The following MAP3K3 variants were observed in gnomAD, a reference collection of about 807,000 sequenced individuals.
MAP3K3 encodes the protein MAP/ERK kinase kinase 3.
MAP3K3 carries 12 observed loss-of-function variants against 80.9 expected under a neutral mutation model. The observed-to-expected ratio is 0.15, with a 90% CI of 0.10 to 0.24. The LOEUF (loss-of-function observed/expected upper bound fraction) is 0.24, where lower values mean the gene tolerates loss of function less well. Among genes scored for constraint, MAP3K3 ranks in the 10% least tolerant of loss-of-function variants. The probability of loss-of-function intolerance (pLI) is 1.00; values close to 1 mark genes in which losing one functional copy is unlikely to be tolerated. For missense variants in MAP3K3, 596 were observed against 834.7 expected, an observed-to-expected ratio of 0.71 and a Z score of 3.52; for synonymous variants, 272 against 307.1, an observed-to-expected ratio of 0.89 and a Z score of 1.19.
At chr17:63,638,628 T>A (rs192002028) in intron 2 of MAP3K3, among the ~76,000 whole-genome samples, 1 of 152,320 alleles carries the variant, frequency 6.6e-6, no homozygotes, top group Non-Finnish European at 1.5e-5. Context: ...CCGGATTGCC[T>A]GTGGTGGGGA....
chr17:63,625,905 C>G (rs571344645), intron 1 of MAP3K3, among the ~76,000 whole-genome samples: 1 of 152,190 alleles, frequency 6.6e-6, no homozygotes, highest in East Asian at 1.9e-4. Context: ...AACCCTGTCT[C>G]TACTAAAAAC....
chr17:63,678,059 A>G (rs2035255496), intron 6 of MAP3K3, among the ~76,000 whole-genome samples: 1 of 152,128 alleles, frequency 6.6e-6, no homozygotes, highest in Non-Finnish European at 1.5e-5. Flanking sequence ...TTGGAAATAA[A>G]TTATGGTCCC....
intron 6 of MAP3K3, among the ~76,000 whole-genome samples, chr17:63,671,419 C>T (rs954674837): frequency 6.6e-6 from 1 of 152,030 alleles, no homozygotes; most frequent in African/African-American, 2.4e-5. Context: ...CCACACCCAG[C>T]TAAATTTTGT....
intron 1 of MAP3K3, among the ~76,000 whole-genome samples, chr17:63,628,832 T>C (rs1031562911): frequency 6.6e-6 from 1 of 152,234 alleles, no homozygotes; most frequent in African/African-American, 2.4e-5. Context: ...AATTAAGTAT[T>C]AGGGTAGATT....
chr17:63,691,771 G>C lies in MAP3K3; in HGVS notation c.1383G>C (p.Leu461=), dbSNP rs778515351. ...ACCAGTTGAAGGCTTACGGTGCTCT[G>C]ACAGAGAGCGTGACCCGAAAGTACA... ...VKDQLKAYGA[L]TESVTRKYTR... Residue 461 remains leucine, a synonymous_variant, in exon 14 of 16, where the codon CTG becomes CTC. Transcript: ENST00000361733. This position sits in a 1 kb window ranked among gnomAD's most constrained non-coding sequence, Gnocchi z 4.8. 1 of 1,614,102 alleles carries C rather than the reference G, an allele frequency of 6.2e-7. No individual in the cohort carries two copies. The highest frequency in any genetic ancestry group is 1.3e-5 in the African/African-American group (1 of 75,040).
At chr17:63,636,007 A>C (rs2034315768) in intron 2 of MAP3K3, among the ~76,000 whole-genome samples, 1 of 152,206 alleles carries the variant, frequency 6.6e-6, no homozygotes, top group South Asian at 2.1e-4. Flanking sequence ...GCCTTTCACT[A>C]TGAGAATGGC....
At chr17:63,632,068 A>G (rs2034227407) in intron 1 of MAP3K3, among the ~76,000 whole-genome samples, 1 of 151,894 alleles carries the variant, frequency 6.6e-6, no homozygotes, top group African/African-American at 2.4e-5. Flanking sequence ...CTTCACTTCA[A>G]TTTTTCATCT....
chr17:63,644,317 C>T (rs951328608), intron 2 of MAP3K3, among the ~76,000 whole-genome samples: 4 of 152,076 alleles, frequency 2.6e-5, no homozygotes, highest in African/African-American at 9.7e-5. Context: ...TAGGTTCAAG[C>T]GATTCTCCTG....
rs1465947833 is a variant in MAP3K3, at chr17:63,694,861, C to G, written c.*1084C>G. On this transcript the variant is annotated 3_prime_UTR_variant, in exon 16 of 16. Coordinates refer to ENST00000361733, the MANE Select transcript of MAP3K3 (RefSeq NM_002401.5). ...GCCAGCTCTGTTCTTCCTCAGCCAG[C>G]CTCGCCCATCCCCTTGAGGTCTCAG... 6.5e-6 allele frequency: 1 copy of G among 153,392 alleles called. No individual in the cohort carries two copies. Among genetic ancestry groups the G allele is most frequent in the African/African-American group, 2.4e-5 (1 of 41,478 alleles). 9.5% of individuals were successfully genotyped at this position (153,392 alleles called of 1,614,324 possible). A position where few individuals can be genotyped will look rare whatever the true frequency, so the allele number is the denominator to read the frequency against.
At chr17:63,638,218 TTTTG>T (rs567933206) in intron 2 of MAP3K3, among the ~76,000 whole-genome samples, 135 of 152,294 alleles carry the variant, frequency 8.9e-4, no homozygotes, top group African/African-American at 2.9e-3. Context: ...AAATTTTAAT[TTTTG>T]TTGTATTTTT....
chr17:63,694,001 A>G lies in MAP3K3; in HGVS notation c.*224A>G, dbSNP rs1443160715. 6 of 522,602 alleles carry G rather than the reference A, an allele frequency of 1.1e-5. No individual in the cohort carries two copies. The highest frequency in any genetic ancestry group is 3.4e-5 in the East Asian group (1 of 29,164). The allele number at this position is 522,602 out of a possible 1,614,324, so 32.4% of individuals were successfully genotyped here. Reference sequence around the variant, plus strand: ...CCAGCCTGTCAGATCCAGGAGCTCCAGTGTCCTGAGCTCAGCGTGGAGGGG... The same window carrying G: ...CCAGCCTGTCAGATCCAGGAGCTCCGGTGTCCTGAGCTCAGCGTGGAGGGG... On this transcript the variant is annotated 3_prime_UTR_variant, in exon 16 of 16. Transcript: ENST00000361733.
chr17:63,688,594 G>C lies in MAP3K3; in HGVS notation c.778G>C (p.Asp260His). 6.2e-7 allele frequency: 1 copy of C among 1,614,034 alleles called. No individual in the cohort carries two copies. Among genetic ancestry groups the C allele is most frequent in the Non-Finnish European group, 8.5e-7 (1 of 1,179,906 alleles). ...CCCTGACAACAGACAGGAATACTCA[G>C]GTGAGTTCCACAGAGCCTGGGTGGG... ...SFPDNRQEYS[D>H]RETQLYDKGV... Residue 260 changes from aspartate to histidine, a missense_variant and splice_region_variant, in exon 9 of 16, where the codon GAT (aspartate) becomes CAT (histidine). Asp to His is a moderately conservative substitution (Grantham distance 81). Coordinates refer to ENST00000361733, the MANE Select transcript of MAP3K3 (RefSeq NM_002401.5).
rs2035622485 is a variant in MAP3K3 at position 63,692,905 on chromosome 17, A to C, written c.1652+486A>C. On this transcript the variant is annotated intron_variant, in intron 15 of 15. Coordinates refer to ENST00000361733, the MANE Select transcript of MAP3K3 (RefSeq NM_002401.5). This position sits in a 1 kb window ranked among gnomAD's most constrained non-coding sequence, Gnocchi z 4.5. ...CCTAATCCCTGGATCTGTAAATGTG[A>C]TTGTATATAGCAAAGGGCCTTTGCA... Among the ~76,000 whole-genome samples, 1 of 152,156 alleles carries C rather than the reference A, an allele frequency of 6.6e-6. No homozygotes were observed. The highest frequency in any genetic ancestry group is 1.9e-4 in the East Asian group (1 of 5,180).
At chr17:63,625,797 C>T (rs1195693101) in intron 1 of MAP3K3, among the ~76,000 whole-genome samples, 2 of 152,156 alleles carry the variant, frequency 1.3e-5, no homozygotes, top group Non-Finnish European at 2.9e-5. Context: ...TTAGGTTGGG[C>T]ATGGTGGCTT....
intron 2 of MAP3K3, 135 bp downstream of exon 2, chr17:63,632,937 T>C: frequency 8.5e-7 from 1 of 1,176,954 alleles, no homozygotes; most frequent in South Asian, 1.5e-5. Context: ...GTCTGTTAAA[T>C]GGGAAGTAAT....
chr17:63,668,713 T>C (rs981423400), intron 6 of MAP3K3, among the ~76,000 whole-genome samples: 6 of 152,220 alleles, frequency 3.9e-5, no homozygotes, highest in Admixed American at 2.0e-4. Context: ...ATGATTTTCC[T>C]GGCTGAGAAT....
intron 6 of MAP3K3, among the ~76,000 whole-genome samples, chr17:63,679,438 C>T (rs1221144689): frequency 6.6e-6 from 1 of 152,150 alleles, no homozygotes; most frequent in African/African-American, 2.4e-5. Context: ...TGGTGCACTA[C>T]CTCTACTTCC....
In MAP3K3 at chr17:63,687,893, C is replaced by G. The variant is rs554758061; in HGVS notation, c.711-634C>G. ...GTAGAGGTTGCGGTGAGCTGAGATG[C>G]TACAGCACTCCAGCCCGGCAGCAGA... On this transcript the variant is annotated intron_variant, in intron 8 of 15. Transcript: ENST00000361733. Among the ~76,000 whole-genome samples the G allele has an allele frequency of 7.6e-4, 116 of 151,838 alleles. No individual in the cohort carries two copies. In the Middle Eastern group the frequency reaches 0.017, roughly 22 times the overall value.
chr17:63,673,737 C>G (rs1052117822), intron 6 of MAP3K3, among the ~76,000 whole-genome samples: 1 of 152,006 alleles, frequency 6.6e-6, no homozygotes, highest in Non-Finnish European at 1.5e-5. Flanking sequence ...ATGGTGAAAC[C>G]CTGTCTGTAC....
Sources: gnomAD v4.1 joint callset for allele counts (sites outside exome capture counted in the v4.1 genomes callset) on GRCh38, gnomAD v4.1.1 for gene constraint, Gnocchi (gnomAD v3.1) non-coding constraint, MANE v1.5 for transcripts, NCBI Gene and HGNC (gene_info 2026-07-23, HGNC 2026-07-21) for gene names.